HIVEP3: variants seen among roughly 807,000 people sequenced by gnomAD.
HIVEP3 encodes the protein HIVEP zinc finger 3.
HIVEP3 carries 49 observed loss-of-function variants against 152.8 expected under a neutral mutation model. That is an observed-to-expected ratio of 0.32 (90% CI 0.26 to 0.41). The LOEUF (loss-of-function observed/expected upper bound fraction) is 0.41, where lower values mean the gene tolerates loss of function less well. Among genes scored for constraint, HIVEP3 ranks in the 10% least tolerant of loss-of-function variants. The pLI, the probability that HIVEP3 is intolerant of heterozygous loss-of-function variation, is 1.00. For missense variants in HIVEP3, 2,790 were observed against 3,103.3 expected, an observed-to-expected ratio of 0.90 and a Z score of 2.40; for synonymous variants, 1,269 against 1,289.0, an observed-to-expected ratio of 0.98 and a Z score of 0.33.
intron 2 of HIVEP3, among the ~76,000 whole-genome samples, chr1:41,684,877 A>T (rs1403081832): frequency 6.6e-6 from 1 of 152,248 alleles, no homozygotes; most frequent in Non-Finnish European, 1.5e-5. Context: ...GTGAGGGCAC[A>T]CAGCTCATGG....
At chr1:41,943,390 T>A (rs1645057915) in intron 1 of HIVEP3, among the ~76,000 whole-genome samples, 1 of 152,218 alleles carries the variant, frequency 6.6e-6, no homozygotes. Flanking sequence ...TGCATAATTT[T>A]AAAAAATTAA....
intron 5 of HIVEP3, among the ~76,000 whole-genome samples, chr1:41,531,072 C>T (rs772253709): frequency 7.5e-5 from 9 of 120,048 alleles, no homozygotes; most frequent in Admixed American, 4.1e-4. Flanking sequence ...AGGACAGGAG[C>T]GAAGGGAGGA....
chr1:41,731,900 C>T (rs145000850), intron 1 of HIVEP3, among the ~76,000 whole-genome samples: 1 of 152,334 alleles, frequency 6.6e-6, no homozygotes. Context: ...TTACCACATG[C>T]AATAGATAAC....
intron 1 of HIVEP3, among the ~76,000 whole-genome samples, chr1:41,983,524 C>G (rs1645305589): frequency 6.6e-6 from 1 of 152,022 alleles, no homozygotes; most frequent in Admixed American, 6.6e-5. Context: ...TATGGAGGAA[C>G]AACCACCAAA....
chr1:41,510,464 G>C lies in HIVEP3; in HGVS notation c.7208C>G (p.Pro2403Arg). 1 of 1,504,236 alleles carries C rather than the reference G, an allele frequency of 6.6e-7. No individual in the cohort carries two copies. The highest frequency in any genetic ancestry group is 8.9e-7 in the Non-Finnish European group (1 of 1,124,198). The allele number at this position is 1,504,236 out of a possible 1,614,324, so 93.2% of individuals were successfully genotyped here. ...GTTGGAGAGAGGCTAAGCGTTGGGG[G>C]GAACCCTGTCCTCAGGCTGATGTGG... ...AHPHQPEDRV[P>R]PNA The change falls in exon 9 of 9, where the codon CCC (proline) becomes CGC (arginine). Residue 2403 changes from proline to arginine, a missense_variant. Transcript: ENST00000372583.
At chr1:41,875,072 G>A (rs1301978723) in intron 1 of HIVEP3, among the ~76,000 whole-genome samples, 1 of 152,248 alleles carries the variant, frequency 6.6e-6, no homozygotes, top group African/African-American at 2.4e-5. Flanking sequence ...CAGCAAATAG[G>A]CTTCTGCCCT....
At chr1:41,729,347 A>G (rs761008399) in intron 1 of HIVEP3, among the ~76,000 whole-genome samples, 1 of 152,074 alleles carries the variant, frequency 6.6e-6, no homozygotes, top group African/African-American at 2.4e-5. Flanking sequence ...ACTCACTCCA[A>G]CTCTGTAAAT....
chr1:41,687,411 C>T (rs1646130223), intron 2 of HIVEP3, among the ~76,000 whole-genome samples: 1 of 152,262 alleles, frequency 6.6e-6, no homozygotes, highest in Non-Finnish European at 1.5e-5. Context: ...CTATGTGCCT[C>T]TCCTTTCTCA....
intron 1 of HIVEP3, among the ~76,000 whole-genome samples, chr1:41,834,210 G>A (rs1643052756): frequency 6.6e-6 from 1 of 152,132 alleles, no homozygotes; most frequent in African/African-American, 2.4e-5. Context: ...GAGGGGTGAT[G>A]GCCATCTGGG....
chr1:41,532,631 C>T (rs1569788836), intron 5 of HIVEP3, among the ~76,000 whole-genome samples: 1 of 152,098 alleles, frequency 6.6e-6, no homozygotes, highest in Admixed American at 6.5e-5. Context: ...GCTCCACAGG[C>T]CTCAGTGGCC....
chr1:41,686,012 G>A (rs1218343161), intron 2 of HIVEP3, among the ~76,000 whole-genome samples: 1 of 152,004 alleles, frequency 6.6e-6, no homozygotes, highest in Non-Finnish European at 1.5e-5. Flanking sequence ...TGAATTCTGG[G>A]TTTACTTTTG....
intron 1 of HIVEP3, among the ~76,000 whole-genome samples, chr1:41,775,255 C>T (rs1178398711): frequency 6.6e-6 from 1 of 152,208 alleles, no homozygotes; most frequent in African/African-American, 2.4e-5. Flanking sequence ...CATCAAAAGT[C>T]TCTCCTCTTA....
intron 2 of HIVEP3, among the ~76,000 whole-genome samples, chr1:41,682,760 C>G (rs184577982): frequency 2.6e-4 from 40 of 152,248 alleles, no homozygotes; most frequent in African/African-American, 9.1e-4. Context: ...CCTGCGGAAG[C>G]TCACTCAGGG....
At chr1:41,526,779 TAACA>T (rs756628639) in intron 5 of HIVEP3, among the ~76,000 whole-genome samples, 4 of 75,654 alleles carry the variant, frequency 5.3e-5, no homozygotes, top group Non-Finnish European at 1.1e-4. Flanking sequence ...ACACTCACCC[TAACA>T]CACACCCTCA....
intron 1 of HIVEP3, among the ~76,000 whole-genome samples, chr1:41,966,031 T>A (rs887781510): frequency 6.6e-6 from 1 of 152,230 alleles, no homozygotes; most frequent in African/African-American, 2.4e-5. Flanking sequence ...AGTGGACCTC[T>A]CAGCAGAAAC....
chr1:41,541,379 C>T (rs923275125), intron 5 of HIVEP3, among the ~76,000 whole-genome samples: 2 of 152,178 alleles, frequency 1.3e-5, no homozygotes, highest in Non-Finnish European at 2.9e-5. Flanking sequence ...GTTGTGAGTC[C>T]TTTTGTGGAA....
chr1:41,739,589 C>T (rs2124203001), intron 1 of HIVEP3, among the ~76,000 whole-genome samples: 1 of 152,322 alleles, frequency 6.6e-6, no homozygotes, highest in African/African-American at 2.4e-5. Flanking sequence ...CCCACCCCCT[C>T]TGCCTCTCTT....
At chr1:41,732,056 A>G (rs982274500) in intron 1 of HIVEP3, among the ~76,000 whole-genome samples, 2 of 152,178 alleles carry the variant, frequency 1.3e-5, no homozygotes, top group Non-Finnish European at 2.9e-5. Flanking sequence ...ATGGTCCTCT[A>G]GGAAGGCTGT....
intron 1 of HIVEP3, among the ~76,000 whole-genome samples, chr1:41,881,459 T>C (rs554321809): frequency 6.6e-6 from 1 of 152,200 alleles, no homozygotes; most frequent in African/African-American, 2.4e-5. Flanking sequence ...TTAGAAAACC[T>C]TATTATAGAA....
Sources: allele counts gnomAD v4.1 joint callset (sites outside exome capture counted in the v4.1 genomes callset), GRCh38; gene constraint gnomAD v4.1.1; transcripts MANE v1.5; gene names NCBI Gene and HGNC (gene_info 2026-07-23, HGNC 2026-07-21).